The following XRRA1 variants were observed in gnomAD, a reference collection of about 807,000 sequenced individuals.
XRRA1 encodes the protein X-ray radiation resistance associated 1, also known as X-ray radiation resistance-associated protein 1.
XRRA1 carries 69 observed loss-of-function variants against 80.2 expected under a neutral mutation model. The ratio of observed to expected loss-of-function variants is 0.86; its 90% CI spans 0.71 to 1.05. The LOEUF is 1.05. Among genes scored for constraint, XRRA1 ranks in the 50% least tolerant of loss-of-function variants. The pLI is 0.00. For missense variants in XRRA1, 967 were observed against 976.4 expected (o/e 0.99, Z 0.13); for synonymous variants, 348 against 389.9 (o/e 0.89, Z 1.27).
chr11:74,867,270 G>C (rs1251085424), intron 10 of XRRA1, among the ~76,000 whole-genome samples: 2 of 152,126 alleles, frequency 1.3e-5, no homozygotes, highest in African/African-American at 4.8e-5. Context: ...AATATGGATG[G>C]GAATGGAGAT....
chr11:74,942,694 G>A (rs761936441), intron 2 of XRRA1, among the ~76,000 whole-genome samples: 1 of 152,224 alleles, frequency 6.6e-6, no homozygotes, highest in Non-Finnish European at 1.5e-5. Context: ...CAAGTTACTT[G>A]TCTATGCCTT....
intron 10 of XRRA1, 100 bp downstream of exon 10, chr11:74,906,139 C>T (rs959303688): frequency 1.9e-5 from 21 of 1,106,450 alleles, no homozygotes; most frequent in African/African-American, 1.3e-4. Flanking sequence ...AAATTCAATT[C>T]GTGATATTCA....
At chr11:74,924,767 A>G (rs1016820355) in intron 7 of XRRA1, among the ~76,000 whole-genome samples, 2 of 152,186 alleles carry the variant, frequency 1.3e-5, no homozygotes, top group Admixed American at 1.3e-4. Context: ...CAGGAGGCGG[A>G]GGTTGCAATA....
chr11:74,934,662 T>TAC (rs1415374523), intron 4 of XRRA1, among the ~76,000 whole-genome samples: 1 of 152,126 alleles, frequency 6.6e-6, no homozygotes, highest in Non-Finnish European at 1.5e-5. Flanking sequence ...TTATGAAGTC[T>TAC]ACCAAGGCAG....
chr11:74,881,354 C>T (rs868508723), intron 10 of XRRA1, among the ~76,000 whole-genome samples: 5,028 of 150,104 alleles, frequency 0.033, 260 homozygotes, highest in African/African-American at 0.12. Context: ...AGCCTATGTG[C>T]GTCTCTGCAC....
In XRRA1 at chr11:74,845,203, T is replaced by C; in HGVS notation, c.1797A>G (p.Lys599=). ...DLELKEKDQK[K]PPTAPREVKG... ...TCACCTCTCTGGGTGCCGTTGGTGG[T>C]TTCTTTTGGTCTTTCTCCTTTAACT... The change falls in exon 16 of 19, where the codon AAA becomes AAG. Residue 599 remains lysine, a synonymous_variant. Transcript: ENST00000684022. 1 of 1,614,062 alleles carries C rather than the reference T, an allele frequency of 6.2e-7. No individual in the cohort carries two copies. Among genetic ancestry groups the C allele is most frequent in the Non-Finnish European group, 8.5e-7 (1 of 1,179,902 alleles).
intron 10 of XRRA1, chr11:74,863,467 A>C (rs1176038276): frequency 6.3e-6 from 1 of 159,062 alleles, no homozygotes; most frequent in African/African-American, 2.4e-5. Flanking sequence ...ACATTCTGTC[A>C]GAGGATTTGG....
intron 7 of XRRA1, among the ~76,000 whole-genome samples, chr11:74,925,722 C>T (rs938334776): frequency 2.6e-5 from 4 of 152,138 alleles, no homozygotes; most frequent in Non-Finnish European, 4.4e-5. Flanking sequence ...CATGATCAAT[C>T]ACTAGATCCA....
intron 12 of XRRA1, among the ~76,000 whole-genome samples, chr11:74,858,543 A>G (rs1405133377): frequency 6.6e-6 from 1 of 152,230 alleles, no homozygotes; most frequent in Non-Finnish European, 1.5e-5. Flanking sequence ...AGTAGGGCTC[A>G]GTTAGTGGGA....
chr11:74,903,600 G>A (rs1306579780), intron 10 of XRRA1, among the ~76,000 whole-genome samples: 1 of 152,204 alleles, frequency 6.6e-6, no homozygotes, highest in East Asian at 1.9e-4. Flanking sequence ...GAACTCAAGA[G>A]GCTGAGGCAG....
At chr11:74,944,427 T>G (rs1481192496) in intron 2 of XRRA1, among the ~76,000 whole-genome samples, 1 of 152,242 alleles carries the variant, frequency 6.6e-6, no homozygotes, top group Non-Finnish European at 1.5e-5. Context: ...GTCATCAATT[T>G]ATTCCTAACA....
At chr11:74,855,537 G>A (rs564766817) in intron 12 of XRRA1, among the ~76,000 whole-genome samples, 6 of 152,278 alleles carry the variant, frequency 3.9e-5, no homozygotes, top group African/African-American at 1.2e-4. Flanking sequence ...GTTCTCTCTC[G>A]GGTGAGCTGA....
chr11:74,876,065 A>G (rs2045982650), intron 10 of XRRA1, among the ~76,000 whole-genome samples: 1 of 152,224 alleles, frequency 6.6e-6, no homozygotes, highest in Non-Finnish European at 1.5e-5. Context: ...AAAGGCCTCC[A>G]AGGTAATAAA....
At chr11:74,871,319 C>T (rs1476323776) in intron 10 of XRRA1, among the ~76,000 whole-genome samples, 1 of 152,202 alleles carries the variant, frequency 6.6e-6, no homozygotes, top group Non-Finnish European at 1.5e-5. Context: ...GGGATGCTCC[C>T]ATTGTCTTCC....
At chr11:74,877,285 A>T (rs1769868541) in intron 10 of XRRA1, among the ~76,000 whole-genome samples, 2 of 152,038 alleles carry the variant, frequency 1.3e-5, no homozygotes, top group South Asian at 4.1e-4. Context: ...GTCAAGGGGG[A>T]ATATATGTTT....
intron 10 of XRRA1, among the ~76,000 whole-genome samples, chr11:74,872,767 C>G (rs959018076): frequency 2.0e-5 from 3 of 152,130 alleles, no homozygotes; most frequent in East Asian, 1.9e-4. Flanking sequence ...CATTACTGCA[C>G]AGGAGCCCCA....
At position 74,906,381 on chromosome 11, in the gene XRRA1, C is replaced by T. The variant is rs879023837; in HGVS notation, c.861G>A (p.Glu287=). Residue 287 remains glutamate, a synonymous_variant, in exon 10 of 19, where the codon GAG becomes GAA. Transcript: ENST00000684022. ...PYLQQVQLYD[E]SVDWNGGRGS... is the part of the protein sequence containing the mutation. ...CCCTGCCTCCATTCCAGTCTACTGA[C>T]TCGTCATAGAGCTGAACTTGCTGTA... The T allele has an allele frequency of 1.2e-6, 2 of 1,613,984 alleles. No individual in the cohort carries two copies. The highest frequency in any genetic ancestry group is 2.2e-5 in the South Asian group (2 of 91,080).
At chr11:74,946,691 C>A (rs1230242691) in intron 1 of XRRA1, among the ~76,000 whole-genome samples, 2 of 152,110 alleles carry the variant, frequency 1.3e-5, no homozygotes. Context: ...TGTTCCCCAC[C>A]TCACTACAGG....
intron 10 of XRRA1, among the ~76,000 whole-genome samples, chr11:74,874,538 G>A (rs1472710261): frequency 6.6e-6 from 1 of 152,172 alleles, no homozygotes; most frequent in African/African-American, 2.4e-5. Flanking sequence ...TTGCCAAAGT[G>A]GCCCTACTGA....
Sources: allele counts gnomAD v4.1 joint callset (sites outside exome capture counted in the v4.1 genomes callset), GRCh38; gene constraint gnomAD v4.1.1; transcripts MANE v1.5; gene names NCBI Gene and HGNC (gene_info 2026-07-23, HGNC 2026-07-21).